The following MFSD11 variants were observed in gnomAD, a reference collection of about 807,000 sequenced individuals.
MFSD11 encodes the protein major facilitator superfamily domain containing 11, also known as UNC93-like protein MFSD11.
MFSD11 carries 36 observed loss-of-function variants against 53.5 expected under a neutral mutation model. The observed-to-expected ratio is 0.67, with a 90% CI of 0.52 to 0.89. MFSD11 has a LOEUF of 0.89. Ranked by LOEUF, MFSD11 falls within the 40% of genes least tolerant of loss-of-function variation. The probability of loss-of-function intolerance (pLI) is 0.00; values close to 1 mark genes in which losing one functional copy is unlikely to be tolerated. For missense variants in MFSD11, 530 were observed against 543.9 expected, an observed-to-expected ratio of 0.97 and a Z score of 0.25; for synonymous variants, 186 against 184.9, an observed-to-expected ratio of 1.01 and a Z score of -0.05.
At chr17:76,736,780 T>G (rs754741757), upstream of MFSD11, 2 of 1,417,936 alleles carry the variant, frequency 1.4e-6, no homozygotes. Flanking sequence ...CCTCCCGCGG[T>G]CCCCTCAGCC....
chr17:76,740,221 T>C (rs2077936076), intron 2 of MFSD11, among the ~76,000 whole-genome samples: 1 of 151,644 alleles, frequency 6.6e-6, no homozygotes, highest in African/African-American at 2.4e-5. Flanking sequence ...CATTTGATAT[T>C]TGAGAGATTC....
Position 76,745,851 on chromosome 17 carries a change from G to A in MFSD11, c.641+1385G>A, listed in dbSNP as rs1001461202. On this transcript the variant is annotated intron_variant, in intron 7 of 12. Coordinates refer to ENST00000685175, the MANE Select transcript of MFSD11 (RefSeq NM_001242532.5). Reference sequence around the variant, plus strand: ...TATTTATTTATTTATTTTTTGAGACGGAGTCTCGCTCTGTCACCCAAGCTG... The same window carrying A: ...TATTTATTTATTTATTTTTTGAGACAGAGTCTCGCTCTGTCACCCAAGCTG... Among the ~76,000 whole-genome samples, 22 of 143,342 alleles carry A rather than the reference G, an allele frequency of 1.5e-4. No homozygotes were observed. The East Asian group carries it at 2.4e-3, about 16-fold the overall frequency. 94.0% of individuals were successfully genotyped at this position (143,342 alleles called of 152,430 possible).
Position 76,767,493 on chromosome 17 carries a change from A to G in MFSD11, c.748+42A>G, listed in dbSNP as rs774166419. ...TCTTATTTTCTCTTGCTGCATAATG[A>G]CAATAAGGAGTTGAAAACGAGCCAC... On this transcript the variant is annotated intron_variant, in intron 9 of 12. Coordinates refer to ENST00000685175, the MANE Select transcript of MFSD11 (RefSeq NM_001242532.5). The G allele has an allele frequency of 4.7e-6, 6 of 1,282,544 alleles. No individual in the cohort carries two copies. In the Admixed American group the frequency reaches 5.8e-5, roughly 12 times the overall value. 79.4% of individuals were successfully genotyped at this position (1,282,544 alleles called of 1,614,324 possible).
At chr17:76,782,030 A>G (rs900289600), downstream of MFSD11, among the ~76,000 whole-genome samples, 3 of 133,346 alleles carry the variant, frequency 2.2e-5, no homozygotes, top group Non-Finnish European at 4.7e-5. Flanking sequence ...TATCTTGCCC[A>G]GGCTAGCCTT....
At chr17:76,770,994 C>T (rs1310850875) in intron 10 of MFSD11, among the ~76,000 whole-genome samples, 2 of 152,206 alleles carry the variant, frequency 1.3e-5, no homozygotes. Context: ...CACTTGAGCC[C>T]AGGAGTTCGA....
At chr17:76,755,887 G>A (rs1476218149) in intron 8 of MFSD11, among the ~76,000 whole-genome samples, 1 of 134,676 alleles carries the variant, frequency 7.4e-6, no homozygotes, top group Non-Finnish European at 1.5e-5. Flanking sequence ...GCAATGGTGC[G>A]ATCTCAGCTC....
chr17:76,796,298 G>A, the MFSD11 span, among the ~76,000 whole-genome samples: 1 of 152,046 alleles, frequency 6.6e-6, no homozygotes, highest in South Asian at 2.1e-4. Flanking sequence ...CCTGACTTTA[G>A]TGAAGTTCCC....
intron 3 of MFSD11, among the ~76,000 whole-genome samples, chr17:76,741,535 G>T (rs2078081050): frequency 6.6e-6 from 1 of 152,158 alleles, no homozygotes; most frequent in Non-Finnish European, 1.5e-5. Context: ...AACACTTTGG[G>T]AGGCCGAGGT....
intron 8 of MFSD11, among the ~76,000 whole-genome samples, chr17:76,760,885 C>T (rs1035434364): frequency 1.2e-4 from 18 of 151,920 alleles, no homozygotes; most frequent in South Asian, 6.2e-4. Context: ...ATATTATGGG[C>T]GGGGGGACAG....
Position 76,744,350 on chromosome 17 carries a change from C to G in MFSD11, c.525C>G (p.Ala175=), listed in dbSNP as rs756267772. 3 of 1,613,656 alleles carry G rather than the reference C, an allele frequency of 1.9e-6. No homozygotes were observed. Among genetic ancestry groups the G allele is most frequent in the Non-Finnish European group, 2.5e-6 (3 of 1,179,872 alleles). ...GTGACCGAAGAACAGTGTTTATTGC[C>G]CTAACGGTGATTAGCCTTGTGGGGA... is the stretch of plus-strand genomic sequence containing the variant. ...SESDRRTVFI[A]LTVISLVGTV... Residue 175 remains alanine, a synonymous_variant, in exon 7 of 13, where the codon GCC becomes GCG. Coordinates refer to ENST00000685175, the MANE Select transcript of MFSD11 (RefSeq NM_001242532.5).
At chr17:76,762,529 T>TA (rs1485805219) in intron 8 of MFSD11, among the ~76,000 whole-genome samples, 1 of 151,980 alleles carries the variant, frequency 6.6e-6, no homozygotes, top group Non-Finnish European at 1.5e-5. Flanking sequence ...TAGCCAGGCG[T>TA]AGTGGCGGGC....
chr17:76,748,363 A>G (rs1022756766), intron 7 of MFSD11, among the ~76,000 whole-genome samples: 1 of 152,168 alleles, frequency 6.6e-6, no homozygotes, highest in African/African-American at 2.4e-5. Context: ...CCTCACAGAA[A>G]AAGATTTGAA....
downstream of MFSD11, among the ~76,000 whole-genome samples, chr17:76,786,289 C>T (rs937599625): frequency 1.3e-5 from 2 of 151,360 alleles, no homozygotes; most frequent in South Asian, 4.2e-4. Context: ...GGATTACAGA[C>T]ATGCACCACC....
chr17:76,763,400 A>G (rs1748095510), intron 8 of MFSD11, among the ~76,000 whole-genome samples: 1 of 151,474 alleles, frequency 6.6e-6, no homozygotes, highest in Non-Finnish European at 1.5e-5. Context: ...TAGTAGCGGG[A>G]TTACAGGTGC....
In MFSD11 at chr17:76,757,923, T is replaced by C. The variant is rs561159957; in HGVS notation, c.682+3836T>C. Among the ~76,000 whole-genome samples, 127 of 152,042 alleles carry C rather than the reference T, an allele frequency of 8.4e-4. No homozygotes were observed. In the South Asian group the frequency reaches 0.013, roughly 16 times the overall value. On this transcript the variant is annotated intron_variant, in intron 8 of 12. Coordinates refer to ENST00000685175, the MANE Select transcript of MFSD11 (RefSeq NM_001242532.5). ...CTATTTGGGAGGCTGAGGCAGAGAA[T>C]TGCTTGAACCCAAGAGGCGGAGGTT...
chr17:76,746,065 G>A (rs2078519282), intron 7 of MFSD11, among the ~76,000 whole-genome samples: 1 of 152,180 alleles, frequency 6.6e-6, no homozygotes, highest in Non-Finnish European at 1.5e-5. Flanking sequence ...GCCAAGTTGT[G>A]AATGCAAAGG....
intron 2 of MFSD11, 91 bp downstream of exon 2, chr17:76,739,084 ATAAG>A: frequency 1.0e-6 from 1 of 969,286 alleles, no homozygotes; most frequent in Non-Finnish European, 1.6e-6. Context: ...TTGTGATTGA[ATAAG>A]TGGTGATGGC....
chr17:76,737,255 C>A, upstream of MFSD11: 1 of 1,439,566 alleles, frequency 6.9e-7, no homozygotes, highest in South Asian at 1.4e-5. Context: ...TTGCCTTCCG[C>A]GTGGGGACAC....
At position 76,741,071 on chromosome 17, in the gene MFSD11, A is replaced by G. The variant is rs1363109485; in HGVS notation, c.260+7A>G. On this transcript the variant is annotated splice_region_variant and intron_variant, in intron 3 of 12. Transcript: ENST00000685175. ...CCAGTGGTTTATTTTACAGGTAAGT[A>G]GTGTAATCTTGCACTTATTTAATCA... is the stretch of plus-strand genomic sequence containing the variant. 2.0e-6 allele frequency: 3 copies of G among 1,493,144 alleles called. No individual in the cohort carries two copies. In the African/African-American group the frequency reaches 4.1e-5, roughly 21 times the overall value. The allele number at this position is 1,493,144 out of a possible 1,614,324, so 92.5% of individuals were successfully genotyped here.
Sources: gnomAD v4.1 joint callset for allele counts (sites outside exome capture counted in the v4.1 genomes callset) on GRCh38, gnomAD v4.1.1 for gene constraint, MANE v1.5 for transcripts, NCBI Gene and HGNC (gene_info 2026-07-23, HGNC 2026-07-21) for gene names.